SLC44A1: variants seen among roughly 807,000 people sequenced by gnomAD.
The protein encoded by SLC44A1 is solute carrier family 44 member 1.
A neutral mutation model predicts 79.3 loss-of-function variants in SLC44A1; 26 were observed. The observed-to-expected ratio is 0.33, with a 90% confidence interval of 0.24 to 0.46. The LOEUF (loss-of-function observed/expected upper bound fraction) is 0.46, where lower values mean the gene tolerates loss of function less well. SLC44A1 is among the 20% of genes least tolerant of loss of function. The pLI is 1.00. For synonymous variants in SLC44A1, 263 were observed against 286.2 expected, an observed-to-expected ratio of 0.92 and a Z score of 0.82; for missense variants, 688 against 798.1, an observed-to-expected ratio of 0.86 and a Z score of 1.66.
intron 1 of SLC44A1, among the ~76,000 whole-genome samples, chr9:105,249,896 T>C (rs1588700031): frequency 1.6e-5 from 2 of 123,606 alleles, no homozygotes; most frequent in South Asian, 5.2e-4. Context: ...TGAAGTAGGG[T>C]CTTGCTTTGT....
At chr9:105,325,265 T>G (rs1484929101) in intron 3 of SLC44A1, among the ~76,000 whole-genome samples, 1 of 152,176 alleles carries the variant, frequency 6.6e-6, no homozygotes, top group African/African-American at 2.4e-5. Context: ...ATGGTACAAT[T>G]CTCTTTATAT....
intron 3 of SLC44A1, among the ~76,000 whole-genome samples, chr9:105,312,295 G>T (rs1831202323): frequency 6.6e-6 from 1 of 151,858 alleles, no homozygotes; most frequent in African/African-American, 2.4e-5. Context: ...TTCCCAGAGA[G>T]GTCTTTTTGT....
At chr9:105,273,776 A>G (rs1055040403) in intron 1 of SLC44A1, among the ~76,000 whole-genome samples, 5 of 152,144 alleles carry the variant, frequency 3.3e-5, no homozygotes, top group African/African-American at 1.2e-4. Context: ...TTGCTCTAAA[A>G]TCACTGTTTT....
intron 1 of SLC44A1, among the ~76,000 whole-genome samples, chr9:105,248,183 G>A (rs1456807119): frequency 6.6e-6 from 1 of 152,194 alleles, no homozygotes. Context: ...AGCTCTGGCA[G>A]GTTTTATCAA....
Position 105,390,314 on chromosome 9 carries a change from T to G in SLC44A1, c.*1258T>G. 1 of 993,048 alleles carries G rather than the reference T, an allele frequency of 1.0e-6. No individual in the cohort carries two copies. The allele number at this position is 993,048 out of a possible 1,614,324, so 61.5% of individuals were successfully genotyped here. A position where few individuals can be genotyped will look rare whatever the true frequency, so the allele number is the denominator to read the frequency against. ...TTGCTAAGAATAATTCATGATCTGT[T>G]TATGCGATAACTCCTTTTTGTTACA... On this transcript the variant is annotated 3_prime_UTR_variant, in exon 16 of 16. Coordinates refer to ENST00000374720, the MANE Select transcript of SLC44A1 (RefSeq NM_080546.5).
intron 1 of SLC44A1, among the ~76,000 whole-genome samples, chr9:105,278,809 C>CT (rs893166742): frequency 1.3e-5 from 2 of 152,086 alleles, no homozygotes; most frequent in Non-Finnish European, 2.9e-5. Flanking sequence ...AGACTTTCAG[C>CT]TTTTTTTTCC....
chr9:105,355,440 T>A (rs985195047), intron 5 of SLC44A1, among the ~76,000 whole-genome samples: 1 of 152,204 alleles, frequency 6.6e-6, no homozygotes, highest in Non-Finnish European at 1.5e-5. Flanking sequence ...AAAAAGAAAA[T>A]AGCCCAGAAT....
intron 15 of SLC44A1, among the ~76,000 whole-genome samples, chr9:105,419,067 G>A (rs1829210887): frequency 1.3e-5 from 2 of 152,068 alleles, no homozygotes; most frequent in Admixed American, 1.3e-4. Context: ...AATCAAAATA[G>A]AGCCAAGTGA....
At chr9:105,317,096 A>T (rs1396295460) in intron 3 of SLC44A1, among the ~76,000 whole-genome samples, 1 of 152,176 alleles carries the variant, frequency 6.6e-6, no homozygotes, top group Non-Finnish European at 1.5e-5. Flanking sequence ...TGTAGGACTG[A>T]GTTCCTATCT....
At chr9:105,293,970 A>C (rs895416537) in intron 1 of SLC44A1, among the ~76,000 whole-genome samples, 3 of 152,192 alleles carry the variant, frequency 2.0e-5, no homozygotes, top group African/African-American at 7.2e-5. Flanking sequence ...TGCTGTACAA[A>C]ATATAGGAAG....
chr9:105,374,455 C>CA (rs1409716721), intron 12 of SLC44A1, 143 bp from the exon 13 acceptor site: 6 of 610,514 alleles, frequency 9.8e-6, no homozygotes, highest in African/African-American at 3.8e-5. Context: ...TTCTTGTACT[C>CA]AGTCTCGATC....
At chr9:105,411,452 A>ATGTGTG (rs143819316) in intron 15 of SLC44A1, among the ~76,000 whole-genome samples, 442 of 127,600 alleles carry the variant, frequency 3.5e-3, no homozygotes, top group Non-Finnish European at 4.2e-3. Flanking sequence ...CTCTCTGTGT[A>ATGTGTG]TGTGTGTGTG....
chr9:105,374,640 A>C lies in SLC44A1; in HGVS notation c.1537A>C (p.Thr513Pro). 6.2e-7 allele frequency: 1 copy of C among 1,614,156 alleles called. No individual in the cohort carries two copies. Among genetic ancestry groups the C allele is most frequent in the Non-Finnish European group, 8.5e-7 (1 of 1,179,972 alleles). Residue 513 changes from threonine (T) to proline (P), a missense_variant, in exon 13 of 16, where the codon ACC becomes CCC. Transcript: ENST00000374720. ...AGCTATCAACAGCACCAACTTCTGC[A>C]CCTCAGCAAAGGATGCCTTTGTCAT... ...ATAINSTNFCTSAKDAFVILV... is the reference protein window; with the variant it reads ...ATAINSTNFCPSAKDAFVILV...
intron 2 of SLC44A1, among the ~76,000 whole-genome samples, chr9:105,302,675 A>T (rs1238834757): frequency 8.2e-6 from 1 of 121,320 alleles, no homozygotes; most frequent in Non-Finnish European, 1.6e-5. Flanking sequence ...GATCTTTTCT[A>T]AAAAAAAAAA....
At chr9:105,263,856 G>C (rs1829898958) in intron 1 of SLC44A1, among the ~76,000 whole-genome samples, 1 of 152,036 alleles carries the variant, frequency 6.6e-6, no homozygotes, top group African/African-American at 2.4e-5. Flanking sequence ...GTATTTTAAA[G>C]AGTTAAGCAT....
At chr9:105,284,697 T>C (rs1830435074) in intron 1 of SLC44A1, among the ~76,000 whole-genome samples, 1 of 152,210 alleles carries the variant, frequency 6.6e-6, no homozygotes, top group Non-Finnish European at 1.5e-5. Flanking sequence ...AGTGTTCATA[T>C]GGAGTCTGTC....
intron 13 of SLC44A1, among the ~76,000 whole-genome samples, chr9:105,376,234 G>A (rs923200507): frequency 1.3e-5 from 2 of 150,528 alleles, no homozygotes. Flanking sequence ...CTTTATTTTT[G>A]TTTTTGTTTA....
intron 12 of SLC44A1, among the ~76,000 whole-genome samples, chr9:105,374,017 G>C (rs888817641): frequency 6.6e-6 from 1 of 152,204 alleles, no homozygotes; most frequent in African/African-American, 2.4e-5. Context: ...GACAGGGAAT[G>C]GGGTAAGACT....
In SLC44A1 at chr9:105,247,055, C is replaced by T. The variant is rs534943022; in HGVS notation, c.36+2151C>T. 3.3e-5 allele frequency among the ~76,000 whole-genome samples: 5 copies of T among 150,946 alleles called. No individual in the cohort carries two copies. In the South Asian group the frequency reaches 1.0e-3, roughly 31 times the overall value. ...TAGGGACTTGTAGTGTTCAGTGGAG[C>T]ATTGAGGAGCAGGTTTTGTGCCAAA... On this transcript the variant is annotated intron_variant, in intron 1 of 15. Coordinates refer to ENST00000374720, the MANE Select transcript of SLC44A1 (RefSeq NM_080546.5).
Sources: gnomAD v4.1 joint callset for allele counts (sites outside exome capture counted in the v4.1 genomes callset) on GRCh38, gnomAD v4.1.1 for gene constraint, MANE v1.5 for transcripts, NCBI Gene and HGNC (gene_info 2026-07-23, HGNC 2026-07-21) for gene names.